GALNT12: variants seen among roughly 807,000 people sequenced by gnomAD.
GALNT12 encodes the protein UDP-GalNAc:polypeptide N-acetylgalactosaminyltransferase 12.
A neutral mutation model predicts 55.5 loss-of-function variants in GALNT12; 45 were observed. The observed-to-expected ratio is 0.81, with a 90% CI of 0.64 to 1.04. GALNT12 has a LOEUF of 1.04. Among genes scored for constraint, GALNT12 ranks in the 50% least tolerant of loss-of-function variants. The pLI is 0.00. For synonymous variants in GALNT12, 304 were observed against 312.2 expected (o/e 0.97, Z 0.28); for missense variants, 709 against 754.8 (o/e 0.94, Z 0.71).
intron 1 of GALNT12, among the ~76,000 whole-genome samples, chr9:98,817,823 G>A (rs936015235): frequency 6.6e-6 from 1 of 152,076 alleles, no homozygotes; most frequent in Non-Finnish European, 1.5e-5. Flanking sequence ...ATTTGTAAGG[G>A]CCACTAAAAT....
intron 1 of GALNT12, among the ~76,000 whole-genome samples, chr9:98,813,308 G>C (rs1482348401): frequency 1.3e-5 from 2 of 152,208 alleles, no homozygotes; most frequent in Admixed American, 1.3e-4. Flanking sequence ...GATGCCTACA[G>C]TGACCCAGAT....
intron 1 of GALNT12, among the ~76,000 whole-genome samples, chr9:98,821,713 T>C (rs1014560217): frequency 6.6e-6 from 1 of 152,122 alleles, no homozygotes; most frequent in East Asian, 1.9e-4. Flanking sequence ...TCCCTGACTT[T>C]TCATGGGGTT....
chr9:98,807,791 C>G lies in GALNT12; in HGVS notation c.93C>G (p.Ala31=), dbSNP rs1373666892. ...TGCTCCTGGCGCTACTGGCGTTGGC[C>G]GGGCTGGGCTCGGTGCTGCGGGCGC... ...LLVLLALLAL[A]GLGSVLRAQR... The change falls in exon 1 of 10, where the codon GCC becomes GCG. Residue 31 remains alanine, a synonymous_variant. Coordinates refer to ENST00000375011, the MANE Select transcript of GALNT12 (RefSeq NM_024642.5). 1 of 1,125,748 alleles carries G rather than the reference C, an allele frequency of 8.9e-7. No homozygotes were observed. The highest frequency in any genetic ancestry group is 1.1e-6 in the Non-Finnish European group (1 of 920,350). 69.7% of individuals were successfully genotyped at this position (1,125,748 alleles called of 1,614,324 possible). A position where few individuals can be genotyped will look rare whatever the true frequency, so the allele number is the denominator to read the frequency against.
chr9:98,835,154 T>A (rs920792344), intron 4 of GALNT12, 95 bp from the exon 5 acceptor site: 27 of 875,712 alleles, frequency 3.1e-5, no homozygotes, highest in South Asian at 7.9e-5. Flanking sequence ...AGATGACAGA[T>A]GAACAGATGA....
rs1273501834 is a variant in GALNT12, at chr9:98,849,858, G to T, written c.*766G>T. 3.2e-6 allele frequency: 1 copy of T among 315,742 alleles called. No homozygotes were observed. 19.6% of individuals were successfully genotyped at this position (315,742 alleles called of 1,614,324 possible). The stretch of plus-strand genomic sequence containing the variant: ...ATATCATTTTTAATTTTTATGATAC[G>T]GTAGTGTCAGGGAGAAATGTAATGT... On this transcript the variant is annotated 3_prime_UTR_variant, in exon 10 of 10. Coordinates refer to ENST00000375011, the MANE Select transcript of GALNT12 (RefSeq NM_024642.5).
rs1318688316 is a variant in GALNT12 at position 98,840,031 on chromosome 9, G to T, written c.1242G>T (p.Lys414Asn). ...CTTTTGGGGATGTGACAGAGAGGAA[G>T]CAGCTCCGGGACAAGCTCCAGTGTA... ...LEPFGDVTER[K>N]QLRDKLQCKD... The change falls in exon 7 of 10, where the codon AAG becomes AAT. Residue 414 changes from lysine to asparagine, a missense_variant. Coordinates refer to ENST00000375011, the MANE Select transcript of GALNT12 (RefSeq NM_024642.5). 6.2e-7 allele frequency: 1 copy of T among 1,614,066 alleles called. No individual in the cohort carries two copies. The highest frequency in any genetic ancestry group is 8.5e-7 in the Non-Finnish European group (1 of 1,180,034).
intron 1 of GALNT12, among the ~76,000 whole-genome samples, chr9:98,822,320 T>C (rs997729823): frequency 6.6e-6 from 1 of 152,210 alleles, no homozygotes; most frequent in African/African-American, 2.4e-5. Context: ...CCACTGATAG[T>C]CTCCAGGCAC....
At chr9:98,838,681 A>T (rs1836215147) in intron 6 of GALNT12, among the ~76,000 whole-genome samples, 1 of 152,166 alleles carries the variant, frequency 6.6e-6, no homozygotes, top group South Asian at 2.1e-4. Flanking sequence ...TGCATGCTCC[A>T]TGGCAGGGTG....
At chr9:98,842,738 C>T (rs967290302) in intron 7 of GALNT12, among the ~76,000 whole-genome samples, 1 of 151,998 alleles carries the variant, frequency 6.6e-6, no homozygotes, top group African/African-American at 2.4e-5. Context: ...TCATTGCCTC[C>T]AGACCATGCA....
intron 1 of GALNT12, among the ~76,000 whole-genome samples, chr9:98,818,234 T>A (rs1835658823): frequency 6.6e-6 from 1 of 152,218 alleles, no homozygotes; most frequent in South Asian, 2.1e-4. Context: ...TATTATTTTT[T>A]TTTTTTTAGA....
chr9:98,823,126 C>G, intron 1 of GALNT12, 130 bp from the exon 2 acceptor site: 2 of 844,386 alleles, frequency 2.4e-6, no homozygotes, highest in Non-Finnish European at 4.0e-6. Context: ...ACAAGGGGAG[C>G]TCTGGAAGAT....
rs974963879 is a variant in GALNT12, at chr9:98,834,886, CCTT to C, written c.918-353_918-351del. 1.1e-4 allele frequency among the ~76,000 whole-genome samples: 17 copies of C among 152,266 alleles called. No homozygotes were observed. The East Asian group carries it at 1.2e-3, about 10-fold the overall frequency. On this transcript the variant is annotated intron_variant, in intron 4 of 9. Transcript: ENST00000375011. ...TCATGCTGGAGAACCATTCCATTTC[CCTT>C]CTTCTTCTTGGCTAACTGTCCTTTG...
rs759843363 is a variant in GALNT12 at position 98,849,018 on chromosome 9, A to G, written c.1672A>G (p.Ser558Gly). 97 of 1,614,022 alleles carry G rather than the reference A, an allele frequency of 6.0e-5. No individual in the cohort carries two copies. Among genetic ancestry groups the G allele is most frequent in the Non-Finnish European group, 8.0e-5 (94 of 1,179,972 alleles). Residue 558 changes from serine (S) to glycine (G), a missense_variant, in exon 10 of 10, where the codon AGT (serine) becomes GGT (glycine). This residue lies in a region of GALNT12 where 262 missense variants were observed against 310.7 expected (regional missense o/e 0.84). Coordinates refer to ENST00000375011, the MANE Select transcript of GALNT12 (RefSeq NM_024642.5). ...GGCTGCGAGGAAGGAGTCGAGTGACAGTTTCGTTCCACTCTTACGAGACTG... is the reference window on the plus strand; with the variant it reads ...GGCTGCGAGGAAGGAGTCGAGTGACGGTTTCGTTCCACTCTTACGAGACTG... ...VQAARKESSD[S>G]FVPLLRDCTN...
At chr9:98,846,685 C>T (rs573875111) in intron 9 of GALNT12, among the ~76,000 whole-genome samples, 11 of 116,884 alleles carry the variant, frequency 9.4e-5, no homozygotes, top group African/African-American at 3.4e-4. Context: ...TATGGCAAAA[C>T]CCCATCTCTA....
intron 2 of GALNT12, among the ~76,000 whole-genome samples, chr9:98,823,809 C>T (rs1835801547): frequency 6.6e-6 from 1 of 152,148 alleles, no homozygotes; most frequent in African/African-American, 2.4e-5. Flanking sequence ...GCTCACTGAG[C>T]CAGCTGTGCG....
At chr9:98,812,283 T>C (rs1423531402) in intron 1 of GALNT12, among the ~76,000 whole-genome samples, 1 of 152,126 alleles carries the variant, frequency 6.6e-6, no homozygotes, top group Non-Finnish European at 1.5e-5. Flanking sequence ...TTGCTCGATT[T>C]TGTGTTGTCA....
At chr9:98,828,860 C>G (rs928998871) in intron 3 of GALNT12, among the ~76,000 whole-genome samples, 2 of 151,916 alleles carry the variant, frequency 1.3e-5, no homozygotes, top group South Asian at 2.1e-4. Flanking sequence ...GACAGAGTCT[C>G]ACTCTGTCAC....
chr9:98,818,910 T>G (rs1835674391), intron 1 of GALNT12, among the ~76,000 whole-genome samples: 1 of 152,238 alleles, frequency 6.6e-6, no homozygotes, highest in Non-Finnish European at 1.5e-5. Context: ...AAGATGTCAC[T>G]TGGGACTTTG....
Position 98,849,036 on chromosome 9 carries a change from C to T in GALNT12, c.1690C>T (p.Arg564Ter), listed in dbSNP as rs200145205. Residue 564 changes from arginine to a stop codon, truncating the protein, a stop_gained, in exon 10 of 10, where the codon CGA becomes TGA. Coordinates refer to ENST00000375011, the MANE Select transcript of GALNT12 (RefSeq NM_024642.5). LOFTEE classifies it high-confidence loss of function. ...ESSDSFVPLL[R>*]DCTNSDHQKW... is the part of the protein sequence containing the mutation. ...GAGTGACAGTTTCGTTCCACTCTTA[C>T]GAGACTGCACCAACTCGGATCATCA... The T allele has an allele frequency of 6.8e-6, 11 of 1,614,040 alleles. No homozygotes were observed. The highest frequency in any genetic ancestry group is 1.6e-4 in the Middle Eastern group (1 of 6,084).
Sources: allele counts gnomAD v4.1 joint callset (sites outside exome capture counted in the v4.1 genomes callset), GRCh38; gene constraint gnomAD v4.1.1; regional missense constraint gnomAD v4.1.1; transcripts MANE v1.5; gene names NCBI Gene and HGNC (gene_info 2026-07-23, HGNC 2026-07-21).